Variants in PFDN2 observed in about 807,000 individuals in gnomAD.
The protein encoded by PFDN2 is prefoldin subunit 2, also known as prefoldin 2.
In PFDN2, 7 loss-of-function variants were observed where a neutral mutation model predicts 18.3. The ratio of observed to expected loss-of-function variants is 0.38; its 90% CI spans 0.22 to 0.72. The LOEUF (loss-of-function observed/expected upper bound fraction) is 0.72. Ranked by LOEUF, PFDN2 falls within the 30% of genes least tolerant of loss-of-function variation. The pLI, the probability that PFDN2 is intolerant of heterozygous loss-of-function variation, is 0.47. For missense variants in PFDN2, 181 were observed against 199.1 expected (o/e 0.91, Z 0.55); for synonymous variants, 76 against 75.0 (o/e 1.01, Z -0.07).
At chr1:161,103,428 G>A (rs144594735) in intron 1 of PFDN2, among the ~76,000 whole-genome samples, 75 of 150,818 alleles carry the variant, frequency 5.0e-4, no homozygotes, top group African/African-American at 1.6e-3. Flanking sequence ...GGTGGCTCAC[G>A]CCTGTAATCG....
intron 1 of PFDN2, among the ~76,000 whole-genome samples, chr1:161,106,369 G>A (rs912149565): frequency 6.6e-6 from 1 of 152,158 alleles, no homozygotes; most frequent in African/African-American, 2.4e-5. Context: ...CAACTTAACT[G>A]TAGACTATAT....
rs763321090 is a variant in PFDN2 at position 161,102,036 on chromosome 1, A to T, written c.288+12T>A. 6.2e-7 allele frequency: 1 copy of T among 1,614,054 alleles called. No individual in the cohort carries two copies. On this transcript the variant is annotated intron_variant, in intron 3 of 3. Coordinates refer to ENST00000368010, the MANE Select transcript of PFDN2 (RefSeq NM_012394.4). ...CCACTGTACCCGATCCTATTCAATG[A>T]TTCTTGCTCACCTGCTCCTTGTTGT...
intron 1 of PFDN2, among the ~76,000 whole-genome samples, chr1:161,110,638 G>C (rs147106960): frequency 2.0e-5 from 3 of 152,184 alleles, no homozygotes; most frequent in Middle Eastern, 3.4e-3. Context: ...GAATAGAAGA[G>C]GTAGAGAGTT....
intron 1 of PFDN2, among the ~76,000 whole-genome samples, chr1:161,116,909 T>C (rs1413554855): frequency 1.3e-5 from 2 of 152,166 alleles, no homozygotes; most frequent in African/African-American, 2.4e-5. Context: ...TCTGCTTGTA[T>C]TAATTGTTCA....
intron 1 of PFDN2, among the ~76,000 whole-genome samples, chr1:161,107,267 T>C (rs1038977873): frequency 6.6e-6 from 1 of 151,994 alleles, no homozygotes; most frequent in African/African-American, 2.4e-5. Flanking sequence ...TTACTAATAA[T>C]ACAAAAAATT....
chr1:161,117,583 C>G (rs1381002948), intron 1 of PFDN2, among the ~76,000 whole-genome samples: 1 of 152,190 alleles, frequency 6.6e-6, no homozygotes, highest in Non-Finnish European at 1.5e-5. Flanking sequence ...CACAGCCAGC[C>G]CGTTAACTAA....
At chr1:161,108,539 T>C (rs1384882063) in intron 1 of PFDN2, among the ~76,000 whole-genome samples, 6 of 149,428 alleles carry the variant, frequency 4.0e-5, no homozygotes, top group African/African-American at 1.5e-4. Context: ...CACTCCAGCC[T>C]GGGCAATAGA....
rs774132214 is a variant in PFDN2, at chr1:161,118,002, C to T, written c.25G>A (p.Gly9Ser). MAENSGRA[G>S]KSSGSGAGKG... ...CCCGCGCCGCTCCCGCTGCTCTTGC[C>T]GGCGCGACCGCTGTTCTCCGCCATC... Residue 9 changes from glycine (G) to serine (S), a missense_variant, in exon 1 of 4, where the codon GGC (glycine) becomes AGC (serine). Coordinates refer to ENST00000368010, the MANE Select transcript of PFDN2 (RefSeq NM_012394.4). 30 of 1,612,276 alleles carry T rather than the reference C, an allele frequency of 1.9e-5. No individual in the cohort carries two copies. Among genetic ancestry groups the T allele is most frequent in the Non-Finnish European group, 2.3e-5 (27 of 1,179,518 alleles).
At chr1:161,116,255 C>T (rs578103821) in intron 1 of PFDN2, among the ~76,000 whole-genome samples, 6 of 152,234 alleles carry the variant, frequency 3.9e-5, no homozygotes, top group African/African-American at 1.4e-4. Context: ...GTGGCTCATG[C>T]CTGTAATCCC....
intron 1 of PFDN2, among the ~76,000 whole-genome samples, chr1:161,115,942 G>A: frequency 6.6e-6 from 1 of 152,134 alleles, no homozygotes; most frequent in East Asian, 1.9e-4. Flanking sequence ...ATTAGGGGGA[G>A]CCAGGCAAGG....
intron 1 of PFDN2, among the ~76,000 whole-genome samples, chr1:161,116,441 G>A (rs1654925220): frequency 6.6e-6 from 1 of 151,890 alleles, no homozygotes; most frequent in Non-Finnish European, 1.5e-5. Flanking sequence ...TTGAACCTGG[G>A]AGGCAGAGGT....
chr1:161,114,785 C>G (rs1353196938), intron 1 of PFDN2, among the ~76,000 whole-genome samples: 1 of 152,114 alleles, frequency 6.6e-6, no homozygotes, highest in African/African-American at 2.4e-5. Flanking sequence ...TAAGAATGCT[C>G]TTAGCCACCC....
Position 161,100,692 on chromosome 1 carries a change from C to T in PFDN2, c.456G>A (p.Leu152=), listed in dbSNP as rs1654534755. ...GCAAAGGCCTTGGTCCCTAGGAGAC[C>T]AACACTCCAGCTGAGCTGGCCTTAG... ...AGAKASSAGV[L]VS The change falls in exon 4 of 4, where the codon TTG becomes TTA. Residue 152 remains leucine, a synonymous_variant. Coordinates refer to ENST00000368010, the MANE Select transcript of PFDN2 (RefSeq NM_012394.4). The T allele has an allele frequency of 8.7e-6, 14 of 1,611,732 alleles. No homozygotes were observed. The highest frequency in any genetic ancestry group is 1.2e-5 in the Non-Finnish European group (14 of 1,178,814).
At chr1:161,113,272 A>C (rs1391941237) in intron 1 of PFDN2, among the ~76,000 whole-genome samples, 1 of 152,158 alleles carries the variant, frequency 6.6e-6, no homozygotes, top group African/African-American at 2.4e-5. Flanking sequence ...CTACCTGTTC[A>C]AATCCATCCA....
chr1:161,107,706 T>C (rs930577419), intron 1 of PFDN2, among the ~76,000 whole-genome samples: 5 of 149,260 alleles, frequency 3.3e-5, no homozygotes, highest in African/African-American at 1.2e-4. Flanking sequence ...TCCCAGCAAC[T>C]TGGGAGGCTG....
At chr1:161,108,825 T>G (rs1386385273) in intron 1 of PFDN2, among the ~76,000 whole-genome samples, 1 of 152,200 alleles carries the variant, frequency 6.6e-6, no homozygotes. Context: ...TTTTTGTTAC[T>G]TTAATAATTT....
intron 1 of PFDN2, among the ~76,000 whole-genome samples, chr1:161,116,903 C>T (rs1293142160): frequency 1.3e-5 from 2 of 152,092 alleles, no homozygotes; most frequent in Non-Finnish European, 2.9e-5. Context: ...GATACATCTG[C>T]TTGTATTAAT....
At chr1:161,101,734 A>G (rs1419549904) in intron 3 of PFDN2, among the ~76,000 whole-genome samples, 1 of 151,992 alleles carries the variant, frequency 6.6e-6, no homozygotes. Context: ...GCATAGCATA[A>G]TGAGCATAGG....
intron 3 of PFDN2, 77 bp from the exon 4 acceptor site, chr1:161,100,936 G>T: frequency 9.0e-7 from 1 of 1,110,086 alleles, no homozygotes; most frequent in Non-Finnish European, 1.3e-6. Context: ...ATGGTTGGAG[G>T]AAGTGTTAAC....
Sources: allele counts gnomAD v4.1 joint callset (sites outside exome capture counted in the v4.1 genomes callset), GRCh38; gene constraint gnomAD v4.1.1; transcripts MANE v1.5; gene names NCBI Gene and HGNC (gene_info 2026-07-23, HGNC 2026-07-21).